BCOR: variants seen among roughly 807,000 people sequenced by gnomAD.
BCOR encodes the protein BCL-6 corepressor.
A neutral mutation model predicts 86.7 loss-of-function variants in BCOR; 10 were observed. That is an observed-to-expected ratio of 0.12 (90% confidence interval 0.07 to 0.20). The LOEUF (loss-of-function observed/expected upper bound fraction) is 0.20, where lower values mean the gene tolerates loss of function less well. BCOR is among the 10% of genes least tolerant of loss of function. The pLI is 1.00. For missense variants in BCOR, 1,259 were observed against 1,452.1 expected, an observed-to-expected ratio of 0.87 and a Z score of 2.16; for synonymous variants, 611 against 609.0, an observed-to-expected ratio of 1.00 and a Z score of -0.05.
At chrX:40,139,021 C>A (rs1019642694) in intron 1 of BCOR, among the ~76,000 whole-genome samples, 1 of 109,800 alleles carries the variant, frequency 9.1e-6, no homozygotes, top group Admixed American at 9.9e-5. Flanking sequence ...TGAACCCAGA[C>A]AGTCTGGCTC....
At chrX:40,085,364 G>A (rs1426597315) in intron 1 of BCOR, among the ~76,000 whole-genome samples, 3 of 112,140 alleles carry the variant, frequency 2.7e-5, no homozygotes, top group Non-Finnish European at 5.6e-5. Flanking sequence ...GTGTTTTGGC[G>A]TTGCAGGCTT....
At chrX:40,158,195 C>G (rs1938336020) in intron 1 of BCOR, among the ~76,000 whole-genome samples, 1 of 112,452 alleles carries the variant, frequency 8.9e-6, no homozygotes, top group South Asian at 3.6e-4. Context: ...CCTGTCAGGA[C>G]GAAGTGGCAG....
At chrX:40,174,777 C>A (rs1054685146) in intron 1 of BCOR, among the ~76,000 whole-genome samples, 1 of 112,976 alleles carries the variant, frequency 8.9e-6, no homozygotes, top group Non-Finnish European at 1.9e-5. Flanking sequence ...CAGCCCCGCA[C>A]CTCCTGAGCA....
At chrX:40,090,453 AGGGGC>A (rs772260125) in intron 1 of BCOR, among the ~76,000 whole-genome samples, 204 of 112,423 alleles carry the variant, frequency 1.8e-3, no homozygotes, top group African/African-American at 5.7e-3. Context: ...CAGTTCGGGG[AGGGGC>A]GGGGCGGGGC....
chrX:40,130,413 C>T (rs561902497), intron 1 of BCOR, among the ~76,000 whole-genome samples: 1 of 112,475 alleles, frequency 8.9e-6, no homozygotes, highest in South Asian at 3.7e-4. Flanking sequence ...CTGACTCACA[C>T]ATCACTCCTT....
At chrX:40,096,613 G>C (rs901099757) in intron 1 of BCOR, among the ~76,000 whole-genome samples, 1 of 111,363 alleles carries the variant, frequency 9.0e-6, no homozygotes, top group Non-Finnish European at 1.9e-5. Context: ...GGTCGAGCTC[G>C]GCTCGGCCCG....
chrX:40,151,777 C>G (rs988960586), intron 1 of BCOR, among the ~76,000 whole-genome samples: 1 of 112,477 alleles, frequency 8.9e-6, no homozygotes, highest in Non-Finnish European at 1.9e-5. Flanking sequence ...AGGCAGAGAG[C>G]GAGACGGCGG....
chrX:40,063,557 G>A, intron 8 of BCOR, 51 bp downstream of exon 8: 1 of 1,044,615 alleles, frequency 9.6e-7, no homozygotes, highest in South Asian at 1.9e-5. Flanking sequence ...GAGAGTGGAT[G>A]ACCCACCCTC....
At chrX:40,056,960 A>C (rs1444080701) in intron 11 of BCOR, among the ~76,000 whole-genome samples, 195 bp downstream of exon 11, 1 of 112,301 alleles carries the variant, frequency 8.9e-6, no homozygotes, top group East Asian at 2.8e-4. Flanking sequence ...GACTGATCAA[A>C]ATTGGGAGCT....
chrX:40,171,378 A>G (rs1938615812), intron 1 of BCOR, among the ~76,000 whole-genome samples: 1 of 111,203 alleles, frequency 9.0e-6, no homozygotes, highest in Non-Finnish European at 1.9e-5. Flanking sequence ...CTGCAGACAG[A>G]CCCTCTGGCC....
At chrX:40,109,073 C>A (rs750064558) in intron 1 of BCOR, among the ~76,000 whole-genome samples, 5 of 112,711 alleles carry the variant, frequency 4.4e-5, no homozygotes. Context: ...CGGAGCGCTG[C>A]GCTGCTGGGC....
chrX:40,128,987 C>T (rs146769044), intron 1 of BCOR, among the ~76,000 whole-genome samples: 1 of 111,965 alleles, frequency 8.9e-6, no homozygotes. Flanking sequence ...CATGGAAGTA[C>T]GGTCAAAATG....
chrX:40,068,285 T>C (rs1178142337), intron 6 of BCOR, among the ~76,000 whole-genome samples: 1 of 112,133 alleles, frequency 8.9e-6, no homozygotes, highest in Non-Finnish European at 1.9e-5. Context: ...GGACTGCCCA[T>C]GACATCTACT....
intron 1 of BCOR, among the ~76,000 whole-genome samples, chrX:40,079,367 T>C (rs1218493628): frequency 2.7e-5 from 3 of 112,310 alleles, no homozygotes; most frequent in Non-Finnish European, 5.6e-5. Context: ...CCGGGGACTC[T>C]TCTGTGAGAG....
At chrX:40,072,283 A>G (rs1031924061) in intron 4 of BCOR, 66 bp downstream of exon 4, 7 of 1,107,526 alleles carry the variant, frequency 6.3e-6, no homozygotes, top group Non-Finnish European at 8.6e-6. Flanking sequence ...TACTCCCCCA[A>G]TCCTGTTTAC....
chrX:40,064,674 T>TG (rs780304292), intron 6 of BCOR, 75 bp from the exon 7 acceptor site: 614 of 1,113,515 alleles, frequency 5.5e-4, no homozygotes, highest in Non-Finnish European at 7.1e-4. Context: ...GGGGAGTGCG[T>TG]GGGACCACCA....
chrX:40,114,145 C>T (rs781412740), intron 1 of BCOR, among the ~76,000 whole-genome samples: 44 of 112,351 alleles, frequency 3.9e-4, no homozygotes, highest in African/African-American at 1.4e-3. Flanking sequence ...TATTCTATAT[C>T]CTGGCTAGAG....
At chrX:40,135,393 C>CT (rs367942561) in intron 1 of BCOR, among the ~76,000 whole-genome samples, 1,210 of 101,809 alleles carry the variant, frequency 0.012, 14 homozygotes, top group Middle Eastern at 0.03. Context: ...TCCTTCTTTT[C>CT]TTTTTTTTTT....
intron 1 of BCOR, among the ~76,000 whole-genome samples, chrX:40,093,138 G>A (rs1243478071): frequency 1.8e-5 from 2 of 112,314 alleles, no homozygotes; most frequent in Non-Finnish European, 3.8e-5. Flanking sequence ...ATACATCTCT[G>A]TATTTGCATA....
Sources: gnomAD v4.1 joint callset for allele counts (sites outside exome capture counted in the v4.1 genomes callset) on GRCh38, gnomAD v4.1.1 for gene constraint, MANE v1.5 for transcripts, NCBI Gene and HGNC (gene_info 2026-07-23, HGNC 2026-07-21) for gene names.